KRT17: variants seen among roughly 807,000 people sequenced by gnomAD.
KRT17 encodes keratin 17.
Under a neutral mutation model 45.6 loss-of-function variants are expected in KRT17, and 29 were observed. That is an observed-to-expected ratio of 0.64 (90% CI 0.47 to 0.87). KRT17 has a LOEUF of 0.87. KRT17 is among the 40% of genes least tolerant of loss of function. The pLI is 0.00. For missense variants in KRT17, 536 were observed against 577.8 expected (o/e 0.93, Z 0.74); for synonymous variants, 219 against 234.6 (o/e 0.93, Z 0.61).
At chr17:41,622,745 C>A in intron 2 of KRT17, 1 of 704,922 alleles carries the variant, frequency 1.4e-6, no homozygotes. Context: ...CCCTCCTTCT[C>A]TTCTATTCCC....
At chr17:41,623,939 G>A (rs1908633636) in intron 1 of KRT17, 139 bp downstream of exon 1, 1 of 1,278,492 alleles carries the variant, frequency 7.8e-7, no homozygotes, top group Non-Finnish European at 1.1e-6. Context: ...CCCAAGGCAG[G>A]TTCCCAGAAG....
Position 41,619,639 on chromosome 17 carries a change from G to A in KRT17, c.1254C>T (p.Gly418=), listed in dbSNP as rs3894230. ...CCTGCTCGCGGGAGGAGATGACCTT[G>A]CCATCCTGGACCTCTTCCACAATGG... is the stretch of plus-strand genomic sequence containing the variant. ...VRTIVEEVQD[G]KVISSREQVH... is the part of the protein sequence containing the mutation. The change falls in exon 8 of 8, where the codon GGC becomes GGT. Residue 418 remains glycine (G), a synonymous_variant. Transcript: ENST00000311208. The A allele has an allele frequency of 1.9e-6, 3 of 1,612,182 alleles. No homozygotes were observed. The highest frequency in any genetic ancestry group is 4.5e-5 in the East Asian group (2 of 44,886).
At position 41,621,033 on chromosome 17, in the gene KRT17, C is replaced by A. The variant is rs768766243; in HGVS notation, c.893G>T (p.Ser298Ile). Residue 298 changes from serine (S) to isoleucine (I), a missense_variant, in exon 5 of 8, where the codon AGT (serine) becomes ATT (isoleucine). Transcript: ENST00000311208. ...TNSELVQSGKSEISELRRTMQ... is the reference protein window; with the variant it reads ...TNSELVQSGKIEISELRRTMQ... ...GGTGCGCCGGAGCTCCGAGATCTCA[C>A]TCTTGCCACTCTGCACCAGCTCACT... The A allele has an allele frequency of 6.2e-7, 1 of 1,614,138 alleles. No individual in the cohort carries two copies. The highest frequency in any genetic ancestry group is 8.5e-7 in the Non-Finnish European group (1 of 1,179,982).
In KRT17 at chr17:41,619,682, G is replaced by A. The variant is rs745704126; in HGVS notation, c.1211C>T (p.Thr404Ile). ...HLTQYKKEPV[T>I]TRQVRTIVEE... ...CACAATGGTACGCACCTGACGGGTGGTCACCGCTGCAGGAGAAGCAGGCAA... is the reference window on the plus strand; with the variant it reads ...CACAATGGTACGCACCTGACGGGTGATCACCGCTGCAGGAGAAGCAGGCAA... Residue 404 changes from threonine to isoleucine, a missense_variant, in exon 8 of 8, where the codon ACC (threonine) becomes ATC (isoleucine). Coordinates refer to ENST00000311208, the MANE Select transcript of KRT17 (RefSeq NM_000422.3). 38 of 1,612,208 alleles carry A rather than the reference G, an allele frequency of 2.4e-5. No homozygotes were observed. Among genetic ancestry groups the A allele is most frequent in the Non-Finnish European group, 3.1e-5 (37 of 1,180,010 alleles).
intron 6 of KRT17, 29 bp downstream of exon 6, chr17:41,620,630 C>G: frequency 1.2e-6 from 2 of 1,611,936 alleles, no homozygotes; most frequent in Non-Finnish European, 1.7e-6. Flanking sequence ...AAGAGACCCC[C>G]AGCCCTGACC....
At position 41,619,683 on chromosome 17, in the gene KRT17, T is replaced by C. The variant is rs1908472097; in HGVS notation, c.1210A>G (p.Thr404Ala). The stretch of plus-strand genomic sequence containing the variant: ...ACAATGGTACGCACCTGACGGGTGG[T>C]CACCGCTGCAGGAGAAGCAGGCAAT... Reference protein sequence around the residue: ...HLTQYKKEPVTTRQVRTIVEE... With the variant: ...HLTQYKKEPVATRQVRTIVEE... Residue 404 changes from threonine (T) to alanine (A), a missense_variant, in exon 8 of 8, where the codon ACC becomes GCC. Coordinates refer to ENST00000311208, the MANE Select transcript of KRT17 (RefSeq NM_000422.3). The C allele has an allele frequency of 6.2e-7, 1 of 1,611,988 alleles. No homozygotes were observed. Among genetic ancestry groups the C allele is most frequent in the Admixed American group, 1.7e-5 (1 of 60,002 alleles).
At chr17:41,620,608 C>G in intron 6 of KRT17, 50 bp from the exon 7 acceptor site, 1 of 1,611,472 alleles carries the variant, frequency 6.2e-7, no homozygotes, top group Non-Finnish European at 8.5e-7. Flanking sequence ...GTCTGAGAGC[C>G]CCACCCCTGC....
chr17:41,619,984 C>T (rs150040983), intron 7 of KRT17: 11 of 985,254 alleles, frequency 1.1e-5, no homozygotes, highest in South Asian at 4.7e-5. Context: ...CCATGAAATC[C>T]GTCTCCATTT....
chr17:41,620,666 C>A lies in KRT17; in HGVS notation c.1174G>T (p.Asp392Tyr), dbSNP rs760121926. ...CCAGGCGCCCCCACTCACTGGGCAT[C>A]CTCTCCCTCCAGCAGGCGGCGGTAG... ...ATYRRLLEGE[D>Y]AHLTQYKKEP... The change falls in exon 6 of 8, where the codon GAT becomes TAT. Residue 392 changes from aspartate to tyrosine, a missense_variant. Coordinates refer to ENST00000311208, the MANE Select transcript of KRT17 (RefSeq NM_000422.3). 3 of 1,612,132 alleles carry A rather than the reference C, an allele frequency of 1.9e-6. No individual in the cohort carries two copies. Among genetic ancestry groups the A allele is most frequent in the Admixed American group, 3.3e-5 (2 of 60,022 alleles).
chr17:41,623,267 G>A (rs1388573413), intron 1 of KRT17: 15 of 498,094 alleles, frequency 3.0e-5, no homozygotes, highest in Non-Finnish European at 5.7e-5. Flanking sequence ...GGCCTTAAAG[G>A]AGAAGAGACA....
At chr17:41,623,124 CTT>C in intron 1 of KRT17, 92 bp from the exon 2 acceptor site, 1 of 973,948 alleles carries the variant, frequency 1.0e-6, no homozygotes, top group Non-Finnish European at 1.7e-6. Context: ...CAGGGCCTCT[CTT>C]CTCGCCCAGC....
chr17:41,622,252 G>T, intron 3 of KRT17, 103 bp downstream of exon 3: 1 of 1,467,800 alleles, frequency 6.8e-7, no homozygotes, highest in Non-Finnish European at 9.5e-7. Flanking sequence ...ACTAATCCCG[G>T]TGCACCTGCT....
At position 41,619,739 on chromosome 17, in the gene KRT17, C is replaced by T. The variant is rs7226083; in HGVS notation, c.1205-51G>A. The T allele has an allele frequency of 5.3e-3, 8,565 of 1,611,224 alleles. 396 individuals are homozygous for T. In the African/African-American group the frequency reaches 0.1, roughly 19 times the overall value. ...GTGGGTAGGGGCCAGGAGGCCCTCG[C>T]TTGCCCCCTAGCCCTCATGGACAGG... is the stretch of plus-strand genomic sequence containing the variant. On this transcript the variant is annotated intron_variant, in intron 7 of 7. Coordinates refer to ENST00000311208, the MANE Select transcript of KRT17 (RefSeq NM_000422.3).
chr17:41,622,800 C>T, intron 2 of KRT17, 150 bp downstream of exon 2: 2 of 764,476 alleles, frequency 2.6e-6, no homozygotes, highest in Non-Finnish European at 4.7e-6. Context: ...TTCACTGCAT[C>T]CTGGACTAAG....
chr17:41,623,277 A>G (rs1908609111), intron 1 of KRT17: 1 of 478,468 alleles, frequency 2.1e-6, no homozygotes, highest in South Asian at 2.1e-5. Flanking sequence ...GAGAAGAGAC[A>G]GCTGGCTGGG....
intron 6 of KRT17, 46 bp from the exon 7 acceptor site, chr17:41,620,604 G>A: frequency 6.2e-7 from 1 of 1,609,848 alleles, no homozygotes; most frequent in Non-Finnish European, 8.5e-7. Context: ...GTGGGTCTGA[G>A]AGCCCCACCC....
At chr17:41,622,273 C>T (rs1908568121) in intron 3 of KRT17, 82 bp downstream of exon 3, 13 of 1,571,984 alleles carry the variant, frequency 8.3e-6, no homozygotes, top group Admixed American at 1.7e-5. Context: ...CTGCTCTCTC[C>T]CACGGCCTCA....
intron 7 of KRT17, chr17:41,620,225 A>G (rs569592137): frequency 1.3e-5 from 13 of 985,380 alleles, no homozygotes; most frequent in Admixed American, 1.2e-4. Flanking sequence ...TGTCAAGAGC[A>G]AAGATCATGA....
Position 41,619,691 on chromosome 17 carries a change from G to T in KRT17, c.1205-3C>A, listed in dbSNP as rs113026802. The T allele has an allele frequency of 6.2e-7, 1 of 1,612,160 alleles. No homozygotes were observed. Among genetic ancestry groups the T allele is most frequent in the Non-Finnish European group, 8.5e-7 (1 of 1,179,996 alleles). ...ACGCACCTGACGGGTGGTCACCGCT[G>T]CAGGAGAAGCAGGCAATTTAAAGTG... On this transcript the variant is annotated splice_region_variant and splice_polypyrimidine_tract_variant and intron_variant, in intron 7 of 7. Transcript: ENST00000311208.
Sources: gnomAD v4.1 joint callset for allele counts on GRCh38, gnomAD v4.1.1 for gene constraint, MANE v1.5 for transcripts, NCBI Gene and HGNC (gene_info 2026-07-23, HGNC 2026-07-21) for gene names.